The following CHD7 variants were observed in gnomAD, a reference collection of about 807,000 sequenced individuals.
The protein encoded by CHD7 is chromodomain helicase DNA binding protein 7, also known as ATP-dependent chromatin remodeler CHD7.
In CHD7, 24 loss-of-function variants were observed where a neutral mutation model predicts 307.3. The observed-to-expected ratio is 0.08, with a 90% confidence interval of 0.06 to 0.11. The LOEUF is 0.11. Among genes scored for constraint, CHD7 ranks in the 10% least tolerant of loss-of-function variants. The pLI is 1.00. For missense variants in CHD7, 3,106 were observed against 3,727.1 expected (o/e 0.83, Z 4.34); for synonymous variants, 1,363 against 1,349.9 (o/e 1.01, Z -0.21).
intron 2 of CHD7, among the ~76,000 whole-genome samples, chr8:60,760,646 A>G (rs1810143656): frequency 6.6e-6 from 1 of 151,184 alleles, no homozygotes; most frequent in African/African-American, 2.4e-5. Flanking sequence ...CAAATTTACA[A>G]GAAAAAAACA....
At chr8:60,829,172 GTC>G (rs1338046242) in intron 14 of CHD7, among the ~76,000 whole-genome samples, 3 of 152,206 alleles carry the variant, frequency 2.0e-5, no homozygotes, top group Non-Finnish European at 4.4e-5. Context: ...GCAGTTTTGA[GTC>G]TCTGTTCTTT....
chr8:60,845,403 G>C lies in CHD7; in HGVS notation c.5204G>C (p.Cys1735Ser). The C allele has an allele frequency of 1.9e-6, 3 of 1,613,732 alleles. No individual in the cohort carries two copies. Among genetic ancestry groups the C allele is most frequent in the Non-Finnish European group, 2.5e-6 (3 of 1,179,764 alleles). The change falls in exon 23 of 38, where the codon TGT becomes TCT. Residue 1735 changes from cysteine to serine, a missense_variant. Around this residue, in one of 10 missense-constraint regions of CHD7, gnomAD observed 1,030 missense variants for 1,165.4 expected, o/e 0.88. Coordinates refer to ENST00000423902, the MANE Select transcript of CHD7 (RefSeq NM_017780.4). Reference protein sequence around the residue: ...DSYKKHLKHHCNKVLLRVRML... With the variant: ...DSYKKHLKHHSNKVLLRVRML... The stretch of plus-strand genomic sequence containing the variant: ...TACAAGAAACACCTGAAGCATCACT[G>C]TAACAAGTATGTTATTAGAGGGTGG...
chr8:60,803,002 C>T (rs1285879174), intron 6 of CHD7, among the ~76,000 whole-genome samples: 1 of 152,056 alleles, frequency 6.6e-6, no homozygotes, highest in Admixed American at 6.5e-5. Context: ...AGTGACTGGC[C>T]ATCTTGGTGA....
At chr8:60,791,319 C>A (rs890577880) in intron 3 of CHD7, among the ~76,000 whole-genome samples, 4 of 152,174 alleles carry the variant, frequency 2.6e-5, no homozygotes, top group African/African-American at 9.7e-5. Context: ...GTTATTCTTC[C>A]AACTCACAGG....
chr8:60,752,900 T>C (rs987588946), intron 2 of CHD7, among the ~76,000 whole-genome samples: 1 of 152,264 alleles, frequency 6.6e-6, no homozygotes, highest in Non-Finnish European at 1.5e-5. Context: ...GACATCTTAA[T>C]GTTACTCTCC....
intron 1 of CHD7, among the ~76,000 whole-genome samples, chr8:60,706,706 C>T (rs1040827572): frequency 6.6e-6 from 1 of 152,014 alleles, no homozygotes; most frequent in Admixed American, 6.6e-5. Context: ...TGAAACCCCT[C>T]AGTGGAAATA....
chr8:60,788,058 G>C (rs1249624782), intron 3 of CHD7, among the ~76,000 whole-genome samples: 1 of 151,676 alleles, frequency 6.6e-6, no homozygotes, highest in African/African-American at 2.4e-5. Flanking sequence ...CTATCCTCAA[G>C]TGATCCGCCT....
intron 1 of CHD7, among the ~76,000 whole-genome samples, chr8:60,705,082 C>T (rs1236789774): frequency 6.6e-6 from 1 of 152,086 alleles, no homozygotes; most frequent in Non-Finnish European, 1.5e-5. Context: ...GAGAGGTGAG[C>T]TATAAAGGAA....
intron 3 of CHD7, among the ~76,000 whole-genome samples, chr8:60,787,310 G>C (rs1288943018): frequency 3.3e-5 from 5 of 152,150 alleles, no homozygotes; most frequent in Non-Finnish European, 7.3e-5. Context: ...CCGTAATGAT[G>C]AATCTAGGGA....
intron 6 of CHD7, among the ~76,000 whole-genome samples, chr8:60,806,839 C>T (rs760423664): frequency 5.9e-5 from 9 of 152,050 alleles, no homozygotes; most frequent in East Asian, 1.9e-4. Flanking sequence ...ACCCAGCCTA[C>T]GGAAAATACA....
chr8:60,700,820 C>T (rs1189893947), intron 1 of CHD7, among the ~76,000 whole-genome samples: 3 of 152,320 alleles, frequency 2.0e-5, no homozygotes, highest in Admixed American at 2.0e-4. Context: ...GGGCCCAGTG[C>T]CGGACACACA....
At position 60,777,631 on chromosome 8, in the gene CHD7, G is replaced by A. The variant is rs1462796698; in HGVS notation, c.1666-3369G>A. Among the ~76,000 whole-genome samples the A allele has an allele frequency of 1.3e-4, 20 of 152,118 alleles. 1 individual carries two copies. Among genetic ancestry groups the A allele is most frequent in the Admixed American group, 4.6e-4 (7 of 15,272 alleles). On this transcript the variant is annotated intron_variant, in intron 2 of 37. Transcript: ENST00000423902. The stretch of plus-strand genomic sequence containing the variant: ...GTTAAATTTGCATCTTGTCCATTCT[G>A]CTGTTTTATATACGATAATTTAGTT...
intron 13 of CHD7, among the ~76,000 whole-genome samples, chr8:60,826,596 A>G (rs1271302129): frequency 6.6e-6 from 1 of 152,158 alleles, no homozygotes; most frequent in Non-Finnish European, 1.5e-5. Flanking sequence ...CTTGATGGGG[A>G]TTATCTCCAA....
At chr8:60,794,864 T>A (rs1586340587) in intron 3 of CHD7, 122 bp from the exon 4 acceptor site, 1 of 868,486 alleles carries the variant, frequency 1.2e-6, no homozygotes, top group Non-Finnish European at 1.7e-6. Flanking sequence ...TAACTGTAAA[T>A]AGCCAATATG....
chr8:60,739,396 A>T (rs150392806), intron 1 of CHD7, among the ~76,000 whole-genome samples: 75 of 152,360 alleles, frequency 4.9e-4, no homozygotes, highest in African/African-American at 1.7e-3. Context: ...TAGCCTTCTT[A>T]GGAGTGTATT....
intron 2 of CHD7, among the ~76,000 whole-genome samples, chr8:60,772,900 T>A (rs944519448): frequency 1.3e-5 from 2 of 152,208 alleles, no homozygotes; most frequent in African/African-American, 4.8e-5. Context: ...AAAGTATGAC[T>A]GTGTCTCAGA....
chr8:60,789,054 A>T (rs1811642819), intron 3 of CHD7, among the ~76,000 whole-genome samples: 1 of 152,174 alleles, frequency 6.6e-6, no homozygotes, highest in Admixed American at 6.5e-5. Flanking sequence ...TTGTCTAAAA[A>T]ACTTAACCAA....
rs1200910551 is a variant in CHD7, at chr8:60,861,324, C to T, written c.7830+199C>T. The T allele has an allele frequency of 5.7e-6, 3 of 529,606 alleles. No individual in the cohort carries two copies. The African/African-American group carries it at 5.7e-5, about 10-fold the overall frequency. 32.8% of individuals were successfully genotyped at this position (529,606 alleles called of 1,614,324 possible). On this transcript the variant is annotated intron_variant, in intron 35 of 37. Coordinates refer to ENST00000423902, the MANE Select transcript of CHD7 (RefSeq NM_017780.4). Reference sequence around the variant, plus strand: ...TTCAGGTCTGTCTTACTGAAGGCAGCCTTACAGTTATTTGAAGATGCGCGT... The same window carrying T: ...TTCAGGTCTGTCTTACTGAAGGCAGTCTTACAGTTATTTGAAGATGCGCGT...
At chr8:60,863,356 C>G (rs745610218) in intron 37 of CHD7, 1 of 152,240 alleles carries the variant, frequency 6.6e-6, no homozygotes, top group African/African-American at 2.4e-5. Context: ...CAGTTTCTTT[C>G]GCTCATCATA....
Sources: allele counts gnomAD v4.1 joint callset (sites outside exome capture counted in the v4.1 genomes callset), GRCh38; gene constraint gnomAD v4.1.1; regional missense constraint gnomAD v4.1.1; transcripts MANE v1.5; gene names NCBI Gene and HGNC (gene_info 2026-07-23, HGNC 2026-07-21).